PCDH9: variants seen among roughly 807,000 people sequenced by gnomAD.
PCDH9 encodes the protein protocadherin-9.
Under a neutral mutation model 70.6 loss-of-function variants are expected in PCDH9, and 24 were observed. That is an observed-to-expected ratio of 0.34 (90% CI 0.25 to 0.48). PCDH9 has a LOEUF of 0.48. Among genes scored for constraint, PCDH9 ranks in the 20% least tolerant of loss-of-function variants. The probability of loss-of-function intolerance (pLI) is 0.99; values close to 1 mark genes in which losing one functional copy is unlikely to be tolerated. For missense variants in PCDH9, 1,281 were observed against 1,503.6 expected (o/e 0.85, Z 2.45); for synonymous variants, 562 against 558.5 (o/e 1.01, Z -0.09).
chr13:66,824,383 C>T (rs1372829000), intron 3 of PCDH9, among the ~76,000 whole-genome samples: 9 of 146,172 alleles, frequency 6.2e-5, no homozygotes, highest in African/African-American at 1.8e-4. Context: ...AGGCCCAGCG[C>T]GGTGGCTCAT....
intron 3 of PCDH9, among the ~76,000 whole-genome samples, chr13:66,798,009 G>T (rs2080271910): frequency 6.6e-6 from 1 of 150,878 alleles, no homozygotes; most frequent in South Asian, 2.1e-4. Context: ...AGAAAAATAA[G>T]AAAAAATAGG....
At chr13:67,084,991 A>AT (rs2086071260) in intron 2 of PCDH9, among the ~76,000 whole-genome samples, 2 of 63,936 alleles carry the variant, frequency 3.1e-5, no homozygotes, top group Admixed American at 1.7e-4. Context: ...AAAAAAAAAA[A>AT]AAAAAAATAT....
chr13:67,113,609 G>A (rs1427670959), intron 2 of PCDH9, among the ~76,000 whole-genome samples: 2 of 151,358 alleles, frequency 1.3e-5, no homozygotes, highest in Admixed American at 1.3e-4. Flanking sequence ...GTGCGGTGGC[G>A]CCATCTCGGC....
chr13:66,530,269 T>C (rs1960395295), intron 4 of PCDH9, among the ~76,000 whole-genome samples: 1 of 152,118 alleles, frequency 6.6e-6, no homozygotes, highest in South Asian at 2.1e-4. Flanking sequence ...GTGGCAAGGA[T>C]TCCCAGTGGC....
chr13:66,322,832 A>G (rs1184841888), intron 4 of PCDH9, among the ~76,000 whole-genome samples: 1 of 152,010 alleles, frequency 6.6e-6, no homozygotes, highest in Non-Finnish European at 1.5e-5. Context: ...ACAAAACTAG[A>G]TGTATAAAAA....
intron 2 of PCDH9, among the ~76,000 whole-genome samples, chr13:67,103,798 T>C (rs2086481105): frequency 6.6e-6 from 1 of 151,216 alleles, no homozygotes; most frequent in African/African-American, 2.4e-5. Context: ...AATTCCTACA[T>C]CATTGACTAG....
chr13:66,540,823 T>C (rs560246900), intron 4 of PCDH9, among the ~76,000 whole-genome samples: 2 of 152,292 alleles, frequency 1.3e-5, no homozygotes, highest in South Asian at 4.2e-4. Flanking sequence ...TCCTTAATTA[T>C]TTGGGTTATT....
chr13:66,460,745 G>C (rs993681103), intron 4 of PCDH9, among the ~76,000 whole-genome samples: 1 of 151,752 alleles, frequency 6.6e-6, no homozygotes, highest in African/African-American at 2.4e-5. Flanking sequence ...CTGAGTGACA[G>C]AGACGAAGAG....
intron 3 of PCDH9, among the ~76,000 whole-genome samples, chr13:66,713,344 T>A (rs1375409059): frequency 6.6e-6 from 1 of 152,010 alleles, no homozygotes; most frequent in African/African-American, 2.4e-5. Context: ...AATATTAAAA[T>A]GATTGCTGTC....
intron 2 of PCDH9, among the ~76,000 whole-genome samples, chr13:67,068,456 AAT>A (rs2138147148): frequency 1.3e-5 from 2 of 152,250 alleles, no homozygotes; most frequent in South Asian, 4.1e-4. Context: ...AAAGAGAACC[AAT>A]GTTTAGTCTG....
chr13:66,973,961 T>C (rs1320932116), intron 2 of PCDH9, among the ~76,000 whole-genome samples: 2 of 152,008 alleles, frequency 1.3e-5, no homozygotes, highest in East Asian at 3.9e-4. Flanking sequence ...ATAGGATTGC[T>C]ATTTTGCTTA....
intron 4 of PCDH9, among the ~76,000 whole-genome samples, chr13:66,381,071 C>G (rs1042672683): frequency 2.0e-5 from 3 of 152,104 alleles, no homozygotes; most frequent in Admixed American, 2.0e-4. Context: ...AAATAGTTTT[C>G]TTTGAAGAAG....
rs1269459329 is a variant in PCDH9, at chr13:66,739,501, T to G, written c.3139-108090A>C. 8.3e-3 allele frequency among the ~76,000 whole-genome samples: 1,224 copies of G among 146,870 alleles called. 15 individuals are homozygous for G. Among genetic ancestry groups the G allele is most frequent in the African/African-American group, 0.028 (1,147 of 40,376 alleles). On this transcript the variant is annotated intron_variant, in intron 3 of 4. Transcript: ENST00000377865. ...AATTCACACATAACAATATTAACTT[T>G]AAATGTAAATGGACTAAATTCTCCA...
At chr13:66,357,050 C>T (rs1956396368) in intron 4 of PCDH9, among the ~76,000 whole-genome samples, 1 of 151,974 alleles carries the variant, frequency 6.6e-6, no homozygotes, top group Non-Finnish European at 1.5e-5. Context: ...GTTACATTCC[C>T]TGCCACAACA....
chr13:66,731,263 C>T (rs1183903313), intron 3 of PCDH9, among the ~76,000 whole-genome samples: 2 of 152,006 alleles, frequency 1.3e-5, no homozygotes, highest in African/African-American at 2.4e-5. Context: ...AGGAAGCTTA[C>T]GGAATTTCTT....
chr13:66,883,004 A>C (rs765388010), intron 3 of PCDH9, among the ~76,000 whole-genome samples: 1 of 152,292 alleles, frequency 6.6e-6, no homozygotes, highest in Non-Finnish European at 1.5e-5. Flanking sequence ...AGTGTCCTTC[A>C]GTGTCCAGAT....
chr13:66,383,256 C>T (rs758591418), intron 4 of PCDH9, among the ~76,000 whole-genome samples: 4 of 152,134 alleles, frequency 2.6e-5, no homozygotes, highest in East Asian at 1.9e-4. Context: ...GCTTCACCAA[C>T]GTATAAGAGG....
rs184433957 is a variant in PCDH9 at position 66,890,682 on chromosome 13, G to A, written c.3138+12822C>T. Among the ~76,000 whole-genome samples the A allele has an allele frequency of 1.1e-3, 162 of 152,086 alleles. 3 individuals carry two copies. Among genetic ancestry groups the A allele is most frequent in the African/African-American group, 3.7e-3 (155 of 41,512 alleles). On this transcript the variant is annotated intron_variant, in intron 3 of 4. Transcript: ENST00000377865. The stretch of plus-strand genomic sequence containing the variant: ...CCGAACTTTGATAAAAAGGCAATTA[G>A]CAAACTCAAATGGCCTAATCACATC...
chr13:67,018,616 C>CA (rs1555297704), intron 2 of PCDH9, among the ~76,000 whole-genome samples: 25,945 of 75,686 alleles, frequency 0.34, 3,003 homozygotes, highest in Middle Eastern at 0.42. Flanking sequence ...AGACTCGTCT[C>CA]AAAAAAAAAA....
Sources: allele counts gnomAD v4.1 joint callset (sites outside exome capture counted in the v4.1 genomes callset), GRCh38; gene constraint gnomAD v4.1.1; transcripts MANE v1.5; gene names NCBI Gene and HGNC (gene_info 2026-07-23, HGNC 2026-07-21).